Variants in IGF2BP3 observed in about 807,000 individuals in gnomAD.
IGF2BP3 encodes insulin-like growth factor 2 mRNA-binding protein 3.
In IGF2BP3, 9 loss-of-function variants were observed where a neutral mutation model predicts 73.8. The observed-to-expected ratio is 0.12, with a 90% CI of 0.07 to 0.21. IGF2BP3 has a LOEUF of 0.21. Ranked by LOEUF, IGF2BP3 falls within the 10% of genes least tolerant of loss-of-function variation. The pLI is 1.00. For synonymous variants in IGF2BP3, 258 were observed against 256.7 expected, an observed-to-expected ratio of 1.01 and a Z score of -0.05; for missense variants, 542 against 714.0, an observed-to-expected ratio of 0.76 and a Z score of 2.75.
chr7:23,341,759 AAAAAAAGAAAAAAG>A (rs1230349535), intron 10 of IGF2BP3, among the ~76,000 whole-genome samples: 3 of 152,116 alleles, frequency 2.0e-5, no homozygotes, highest in African/African-American at 4.8e-5. Flanking sequence ...TTAGAATAAA[AAAAAAAGAAAAAAG>A]AAAAAAGAAA....
At chr7:23,403,816 A>G (rs556820010) in intron 3 of IGF2BP3, among the ~76,000 whole-genome samples, 1 of 152,220 alleles carries the variant, frequency 6.6e-6, no homozygotes, top group African/African-American at 2.4e-5. Context: ...TATAACAAGA[A>G]GAGAATCCAT....
At chr7:23,419,206 T>G (rs1276218788) in intron 2 of IGF2BP3, among the ~76,000 whole-genome samples, 1 of 152,008 alleles carries the variant, frequency 6.6e-6, no homozygotes, top group Non-Finnish European at 1.5e-5. Flanking sequence ...AGCTAAGGAG[T>G]CCATGGATAA....
At chr7:23,457,188 G>T (rs1788342276) in intron 2 of IGF2BP3, among the ~76,000 whole-genome samples, 1 of 152,042 alleles carries the variant, frequency 6.6e-6, no homozygotes, top group South Asian at 2.1e-4. Context: ...CAGGGGCTGA[G>T]TGCGATGACT....
rs113936094 is a variant in IGF2BP3 at position 23,335,189 on chromosome 7, C to T, written c.1203+6875G>A. Among the ~76,000 whole-genome samples, 648 of 149,810 alleles carry T rather than the reference C, an allele frequency of 4.3e-3. 6 individuals are homozygous for T. The highest frequency in any genetic ancestry group is 0.015 in the African/African-American group (602 of 40,652). ...AGTTACTTACTTAGAAATTGTTTAC[C>T]AACAAAAGAGTTGCACCCACTGTGA... On this transcript the variant is annotated intron_variant, in intron 10 of 14. Coordinates refer to ENST00000258729, the MANE Select transcript of IGF2BP3 (RefSeq NM_006547.3).
At chr7:23,380,157 C>CCTTTTT (rs1785861450) in intron 3 of IGF2BP3, among the ~76,000 whole-genome samples, 1 of 71,770 alleles carries the variant, frequency 1.4e-5, no homozygotes, top group Non-Finnish European at 2.5e-5. Flanking sequence ...CACTATGCCT[C>CCTTTTT]TTTTTTTTTT....
rs70966008 is a variant in IGF2BP3, at chr7:23,320,947, CAAAAAAAAAAA to C, written c.1204-1704_1204-1694del. On this transcript the variant is annotated intron_variant, in intron 10 of 14. Coordinates refer to ENST00000258729, the MANE Select transcript of IGF2BP3 (RefSeq NM_006547.3). Reference sequence around the variant, plus strand: ...CCTGGGTGAGAGTGAAACTCTGTCTCAAAAAAAAAAAAAAAAAAAAAAGAAAAAACAAAAAA... The same window carrying C: ...CCTGGGTGAGAGTGAAACTCTGTCTCAAAAAAAAAAAGAAAAAACAAAAAA... Among the ~76,000 whole-genome samples, 109 of 96,488 alleles carry C rather than the reference CAAAAAAAAAAA, an allele frequency of 1.1e-3. 2 individuals are homozygous for C. In the East Asian group the frequency reaches 0.024, roughly 22 times the overall value. The allele number at this position is 96,488 out of a possible 152,430, so 63.3% of individuals were successfully genotyped here.
intron 2 of IGF2BP3, among the ~76,000 whole-genome samples, chr7:23,453,077 G>A (rs1231903833): frequency 1.6e-4 from 24 of 152,318 alleles, no homozygotes; most frequent in South Asian, 6.2e-4. Flanking sequence ...GCAGTGAGCC[G>A]AGATCGCGCC....
At chr7:23,433,746 A>C (rs959148634) in intron 2 of IGF2BP3, among the ~76,000 whole-genome samples, 64 of 146,698 alleles carry the variant, frequency 4.4e-4, no homozygotes, top group Non-Finnish European at 6.2e-4. Context: ...GATTAAATTT[A>C]ATTTGTTTGT....
At chr7:23,435,631 T>C (rs1336525140) in intron 2 of IGF2BP3, among the ~76,000 whole-genome samples, 1 of 152,030 alleles carries the variant, frequency 6.6e-6, no homozygotes, top group Admixed American at 6.6e-5. Flanking sequence ...AATTTTTTTG[T>C]ATTTTTAGTA....
chr7:23,354,765 T>C (rs1785050671), intron 5 of IGF2BP3, among the ~76,000 whole-genome samples: 2 of 152,190 alleles, frequency 1.3e-5, no homozygotes, highest in African/African-American at 4.8e-5. Context: ...CAGTGTACCT[T>C]CTGGGCCCCA....
At chr7:23,362,251 A>C (rs1785247931) in intron 3 of IGF2BP3, among the ~76,000 whole-genome samples, 2 of 151,610 alleles carry the variant, frequency 1.3e-5, no homozygotes, top group South Asian at 2.1e-4. Flanking sequence ...CCATCTCTAA[A>C]AAATAAAGTA....
At chr7:23,434,125 G>T (rs1213234064) in intron 2 of IGF2BP3, among the ~76,000 whole-genome samples, 1 of 151,138 alleles carries the variant, frequency 6.6e-6, no homozygotes, top group Non-Finnish European at 1.5e-5. Flanking sequence ...GTTTTATATG[G>T]AATACGTATT....
chr7:23,411,007 G>C (rs1406318132), intron 3 of IGF2BP3, among the ~76,000 whole-genome samples: 1 of 152,164 alleles, frequency 6.6e-6, no homozygotes, highest in Non-Finnish European at 1.5e-5. Context: ...GTACGTGTCA[G>C]CTACTTATTG....
intron 3 of IGF2BP3, among the ~76,000 whole-genome samples, chr7:23,412,197 G>A (rs1448314688): frequency 6.6e-6 from 1 of 151,766 alleles, no homozygotes; most frequent in East Asian, 1.9e-4. Context: ...TGGCCAGGCT[G>A]GTCTCAAACT....
At chr7:23,432,785 C>G (rs189343719) in intron 2 of IGF2BP3, among the ~76,000 whole-genome samples, 1 of 152,288 alleles carries the variant, frequency 6.6e-6, no homozygotes, top group Admixed American at 6.5e-5. Context: ...GGACTACAGG[C>G]ATGCGCTACC....
chr7:23,462,448 G>A (rs1584071659), intron 2 of IGF2BP3, among the ~76,000 whole-genome samples: 2 of 150,812 alleles, frequency 1.3e-5, no homozygotes, highest in East Asian at 2.0e-4. Flanking sequence ...TGTAAGCTCC[G>A]CCTCCCAGGT....
intron 10 of IGF2BP3, among the ~76,000 whole-genome samples, chr7:23,338,425 G>A (rs1784627832): frequency 1.3e-5 from 2 of 152,156 alleles, no homozygotes; most frequent in African/African-American, 4.8e-5. Context: ...GGAGTCAGAG[G>A]TGGGAGGATC....
intron 3 of IGF2BP3, among the ~76,000 whole-genome samples, chr7:23,364,834 G>T (rs1415093501): frequency 6.6e-6 from 1 of 151,838 alleles, no homozygotes; most frequent in Non-Finnish European, 1.5e-5. Flanking sequence ...GGGGTTCAGG[G>T]ACTAGGAGGT....
At chr7:23,459,595 G>A (rs1788397056) in intron 2 of IGF2BP3, among the ~76,000 whole-genome samples, 1 of 152,102 alleles carries the variant, frequency 6.6e-6, no homozygotes, top group South Asian at 2.1e-4. Flanking sequence ...CACTTTGGGA[G>A]GCCGAGGTGG....
Sources: gnomAD v4.1 joint callset for allele counts (sites outside exome capture counted in the v4.1 genomes callset) on GRCh38, gnomAD v4.1.1 for gene constraint, MANE v1.5 for transcripts, NCBI Gene and HGNC (gene_info 2026-07-23, HGNC 2026-07-21) for gene names.